Variants in QTMAN observed in about 807,000 individuals in gnomAD.
The protein encoded by QTMAN is tRNA-queuosine alpha-mannosyltransferase.
chr2:144,000,901 C>T, the QTMAN span, among the ~76,000 whole-genome samples: 1 of 151,990 alleles, frequency 6.6e-6, no homozygotes, highest in East Asian at 1.9e-4. Flanking sequence ...CTTTGCCCTT[C>T]TGTTCACAGC....
At chr2:144,013,688 G>A in the QTMAN span, among the ~76,000 whole-genome samples, 1 of 152,124 alleles carries the variant, frequency 6.6e-6, no homozygotes. Flanking sequence ...AAATTGAGGA[G>A]AAGGAAAATA....
the QTMAN span, among the ~76,000 whole-genome samples, chr2:144,056,651 T>C: frequency 1.3e-5 from 2 of 152,198 alleles, no homozygotes; most frequent in Non-Finnish European, 2.9e-5. Context: ...TCATACTCAA[T>C]CTTCACTCTC....
chr2:144,308,755 A>C, the QTMAN span, among the ~76,000 whole-genome samples: 1 of 152,150 alleles, frequency 6.6e-6, no homozygotes, highest in African/African-American at 2.4e-5. Flanking sequence ...CATTTCAAAA[A>C]AACAACAACA....
the QTMAN span, among the ~76,000 whole-genome samples, chr2:144,306,291 A>T: frequency 6.6e-6 from 1 of 152,216 alleles, no homozygotes; most frequent in Non-Finnish European, 1.5e-5. Flanking sequence ...TCTGACAAAG[A>T]CATTACAACC....
chr2:144,217,600 A>G, the QTMAN span, among the ~76,000 whole-genome samples: 1 of 152,108 alleles, frequency 6.6e-6, no homozygotes, highest in Non-Finnish European at 1.5e-5. Flanking sequence ...AAATACTTCA[A>G]TTTTTTTGTT....
the QTMAN span, among the ~76,000 whole-genome samples, chr2:144,042,481 C>A: frequency 2.0e-5 from 3 of 152,144 alleles, no homozygotes; most frequent in East Asian, 5.8e-4. Flanking sequence ...GAAGGCCGGG[C>A]GTGGTGGTTC....
chr2:144,165,170 G>C, the QTMAN span, among the ~76,000 whole-genome samples: 1 of 152,134 alleles, frequency 6.6e-6, no homozygotes, highest in East Asian at 1.9e-4. Flanking sequence ...AGGAGATTGA[G>C]ACCATACTGG....
At chr2:144,120,853 T>C in the QTMAN span, among the ~76,000 whole-genome samples, 2 of 152,142 alleles carry the variant, frequency 1.3e-5, no homozygotes, top group African/African-American at 2.4e-5. Context: ...CTTTTATTGA[T>C]TATAATAGTG....
At chr2:144,171,797 T>G in the QTMAN span, among the ~76,000 whole-genome samples, 1 of 152,006 alleles carries the variant, frequency 6.6e-6, no homozygotes, top group Non-Finnish European at 1.5e-5. Context: ...CCCAAATAAT[T>G]TATGGAACGA....
the QTMAN span, among the ~76,000 whole-genome samples, chr2:144,225,314 C>T: frequency 6.6e-6 from 1 of 152,182 alleles, no homozygotes; most frequent in Non-Finnish European, 1.5e-5. Context: ...CCTCCCTTAT[C>T]ATCTTCAACA....
the QTMAN span, among the ~76,000 whole-genome samples, chr2:144,121,823 T>C: frequency 3.9e-4 from 59 of 152,324 alleles, 2 homozygotes; most frequent in Middle Eastern, 0.01. Context: ...GCCCAATATT[T>C]ATTTCCATAA....
At chr2:144,084,935 C>A in the QTMAN span, among the ~76,000 whole-genome samples, 1 of 149,504 alleles carries the variant, frequency 6.7e-6, no homozygotes, top group African/African-American at 2.6e-5. Context: ...TCTCAGGTTC[C>A]ATCCCAAGAG....
At chr2:144,274,885 C>G in the QTMAN span, among the ~76,000 whole-genome samples, 1 of 152,028 alleles carries the variant, frequency 6.6e-6, no homozygotes, top group Non-Finnish European at 1.5e-5. Flanking sequence ...CAATTGGCAT[C>G]TGAAGGTGGG....
chr2:144,088,826 T>TG, the QTMAN span, among the ~76,000 whole-genome samples: 1 of 151,772 alleles, frequency 6.6e-6, no homozygotes, highest in Admixed American at 6.6e-5. Flanking sequence ...CAAGACAAAA[T>TG]GGATTAAAGA....
chr2:144,120,886 C>T, the QTMAN span, among the ~76,000 whole-genome samples: 6 of 152,160 alleles, frequency 3.9e-5, no homozygotes. Flanking sequence ...TACATCCAAA[C>T]CAACTCACTT....
the QTMAN span, among the ~76,000 whole-genome samples, chr2:144,153,182 G>A: frequency 6.6e-6 from 1 of 152,164 alleles, no homozygotes; most frequent in East Asian, 1.9e-4. Context: ...AGGATAAGAA[G>A]TTTGTACTTT....
At chr2:144,260,349 G>A in the QTMAN span, among the ~76,000 whole-genome samples, 1 of 152,058 alleles carries the variant, frequency 6.6e-6, no homozygotes. Context: ...ATTTGTGGGT[G>A]TGGGTATGCA....
the QTMAN span, among the ~76,000 whole-genome samples, chr2:144,061,610 G>A: frequency 1.3e-5 from 2 of 152,114 alleles, no homozygotes; most frequent in Non-Finnish European, 2.9e-5. Flanking sequence ...TACCTTCACT[G>A]TAAAGTAAAT....
chr2:144,036,366 T>G, the QTMAN span, among the ~76,000 whole-genome samples: 1 of 152,212 alleles, frequency 6.6e-6, no homozygotes, highest in Non-Finnish European at 1.5e-5. Context: ...CAATAGTTCT[T>G]CTTTATTAAT....
Sources: allele counts gnomAD v4.1 joint callset (sites outside exome capture counted in the v4.1 genomes callset), GRCh38; gene constraint gnomAD v4.1.1; transcripts MANE v1.5; gene names NCBI Gene and HGNC (gene_info 2026-07-23, HGNC 2026-07-21).